ATM: variants seen among roughly 807,000 people sequenced by gnomAD.
ATM encodes serine-protein kinase ATM.
Under a neutral mutation model 387.0 loss-of-function variants are expected in ATM, and 308 were observed. That is an observed-to-expected ratio of 0.80 (90% CI 0.73 to 0.87). The LOEUF is 0.87. Ranked by LOEUF, ATM falls within the 40% of genes least tolerant of loss-of-function variation. The pLI is 0.00. For synonymous variants in ATM, 1,156 were observed against 1,187.3 expected (o/e 0.97, Z 0.54); for missense variants, 3,312 against 3,560.9 (o/e 0.93, Z 1.78).
Position 108,297,039 on chromosome 11 carries a change from T to C in ATM, c.4910-248T>C, listed in dbSNP as rs550591525. ...GTGATTTTGCTAAGGTGTTGACTTA[T>C]CTGCACAATTTGTTTAAGACATTTT... On this transcript the variant is annotated intron_variant, in intron 32 of 62. Transcript: ENST00000675843. 11 of 454,510 alleles carry C rather than the reference T, an allele frequency of 2.4e-5. No individual in the cohort carries two copies. The highest frequency in any genetic ancestry group is 3.6e-5 in the Non-Finnish European group (9 of 248,430). The allele number at this position is 454,510 out of a possible 1,614,324, so 28.2% of individuals were successfully genotyped here. A position where few individuals can be genotyped will look rare whatever the true frequency, so the allele number is the denominator to read the frequency against.
intron 58 of ATM, chr11:108,346,387 T>C (rs2088400598): frequency 6.5e-6 from 1 of 153,508 alleles, no homozygotes; most frequent in Admixed American, 6.5e-5. Flanking sequence ...GTGTACAATA[T>C]ATATTTTGAC....
intron 61 of ATM, among the ~76,000 whole-genome samples, chr11:108,362,962 T>G (rs989142507): frequency 7.3e-5 from 11 of 151,524 alleles, no homozygotes; most frequent in African/African-American, 2.2e-4. Context: ...TAAAAAAAAC[T>G]AAAAAAACAA....
intron 26 of ATM, 74 bp from the exon 27 acceptor site, chr11:108,287,526 T>C (rs780865917): frequency 1.9e-5 from 17 of 904,434 alleles, no homozygotes; most frequent in Non-Finnish European, 2.8e-5. Context: ...AATAAGGTAA[T>C]ATATGCCTTT....
chr11:108,331,752 C>G, intron 51 of ATM, 127 bp from the exon 52 acceptor site: 1 of 1,294,886 alleles, frequency 7.7e-7, no homozygotes, highest in South Asian at 1.4e-5. Flanking sequence ...CTCACACATG[C>G]AGGCATACAC....
rs879254209 is a variant in ATM at position 108,335,054 on chromosome 11, C to A, written c.8096C>A (p.Pro2699Gln). The A allele has an allele frequency of 6.2e-7, 1 of 1,613,964 alleles. No individual in the cohort carries two copies. Among genetic ancestry groups the A allele is most frequent in the Non-Finnish European group, 8.5e-7 (1 of 1,179,990 alleles). ...EFRLAGGVNLPKIIDCVGSDG... is the reference protein window; with the variant it reads ...EFRLAGGVNLQKIIDCVGSDG... ...CGCTTAGCAGGAGGTGTAAATTTACCAAAAATAATAGATTGTGTAGGTTCC... is the reference window on the plus strand; with the variant it reads ...CGCTTAGCAGGAGGTGTAAATTTACAAAAAATAATAGATTGTGTAGGTTCC... Residue 2699 changes from proline (P) to glutamine (Q), a missense_variant, in exon 55 of 63, where the codon CCA becomes CAA. Pro to Gln is a moderately conservative substitution (Grantham distance 76, BLOSUM62 -1). This residue lies in a region of ATM where 1,405 missense variants were observed against 1,604.4 expected (regional missense o/e 0.88). Coordinates refer to ENST00000675843, the MANE Select transcript of ATM (RefSeq NM_000051.4).
In ATM at chr11:108,316,116, A is replaced by G. The variant is rs786202092; in HGVS notation, c.6198+3A>G. 1 of 1,613,540 alleles carries G rather than the reference A, an allele frequency of 6.2e-7. No homozygotes were observed. The highest frequency in any genetic ancestry group is 8.5e-7 in the Non-Finnish European group (1 of 1,179,504). On this transcript the variant is annotated splice_donor_region_variant and intron_variant, in intron 42 of 62. Transcript: ENST00000675843. Reference sequence around the variant, plus strand: ...CACGCCAGGCAGGAATCATTCAGGTACATTTTTTCCCAGATTTGGTAAAGC... The same window carrying G: ...CACGCCAGGCAGGAATCATTCAGGTGCATTTTTTCCCAGATTTGGTAAAGC...
At position 108,302,078 on chromosome 11, in the gene ATM, T is replaced by G. The variant is rs2083460682; in HGVS notation, c.5319+289T>G. Among the ~76,000 whole-genome samples the G allele has an allele frequency of 2.0e-5, 3 of 152,248 alleles. No homozygotes were observed. In the South Asian group the frequency reaches 6.2e-4, roughly 32 times the overall value. ...TTTTTTAGAAATAGAAAGCGCTACTTTGCTCCCATGAAAGCTGTTAGCTCT... is the reference window on the plus strand; with the variant it reads ...TTTTTTAGAAATAGAAAGCGCTACTGTGCTCCCATGAAAGCTGTTAGCTCT... On this transcript the variant is annotated intron_variant, in intron 35 of 62. Coordinates refer to ENST00000675843, the MANE Select transcript of ATM (RefSeq NM_000051.4).
Position 108,284,292 on chromosome 11 carries a change from T to TC in ATM, c.3812_3813insC (p.Ala1272CysfsTer2). 6.2e-7 allele frequency: 1 copy of TC among 1,613,730 alleles called. No homozygotes were observed. Among genetic ancestry groups the TC allele is most frequent in the South Asian group, 1.1e-5 (1 of 91,074 alleles). On this transcript the variant is annotated frameshift_variant, in exon 26 of 63. Coordinates refer to ENST00000675843, the MANE Select transcript of ATM (RefSeq NM_000051.4). LOFTEE classifies it high-confidence loss of function. Reference sequence around the variant, plus strand: ...AGTCATTTTGATGAGGTGAAGTCCATTGCTAATCAGATTCAAGAGGACTGG... The same window carrying TC: ...AGTCATTTTGATGAGGTGAAGTCCATCTGCTAATCAGATTCAAGAGGACTGG...
intron 38 of ATM, 55 bp from the exon 39 acceptor site, chr11:108,310,105 A>G (rs923104890): frequency 2.2e-5 from 35 of 1,561,132 alleles, no homozygotes; most frequent in Middle Eastern, 2.0e-4. Context: ...ACATGCTTTT[A>G]TTTTGATATT....
chr11:108,260,008 T>G (rs2080762356), intron 16 of ATM, among the ~76,000 whole-genome samples: 1 of 151,370 alleles, frequency 6.6e-6, no homozygotes, highest in Admixed American at 6.6e-5. Flanking sequence ...ATAGTATATA[T>G]GTATATGAAA....
At chr11:108,341,986 C>T (rs1194448678) in intron 56 of ATM, among the ~76,000 whole-genome samples, 1 of 152,214 alleles carries the variant, frequency 6.6e-6, no homozygotes, top group African/African-American at 2.4e-5. Flanking sequence ...CTAGAGCAGA[C>T]TTGTCCAACC....
At position 108,236,983 on chromosome 11, in the gene ATM, T is replaced by C. The variant is rs562157226; in HGVS notation, c.496+1149T>C. On this transcript the variant is annotated intron_variant, in intron 5 of 62. Coordinates refer to ENST00000675843, the MANE Select transcript of ATM (RefSeq NM_000051.4). ...CTCTAAAAGTTTAGAAGCTTTTTTT[T>C]TTCATGGAAAGTATTTAAGCTAAAT... Among the ~76,000 whole-genome samples, 9 of 152,340 alleles carry C rather than the reference T, an allele frequency of 5.9e-5. 1 individual carries two copies. The South Asian group carries it at 1.9e-3, about 32-fold the overall frequency.
chr11:108,257,500 G>A lies in ATM; in HGVS notation c.2270G>A (p.Gly757Glu), dbSNP rs375091571. The A allele has an allele frequency of 6.2e-7, 1 of 1,613,234 alleles. No individual in the cohort carries two copies. The highest frequency in any genetic ancestry group is 8.5e-7 in the Non-Finnish European group (1 of 1,179,734). Reference sequence around the variant, plus strand: ...CAATAGTCTCTAATGCAATGTGCAGGAGAAAGTATCACTCTGTTTAAAAAT... The same window carrying A: ...CAATAGTCTCTAATGCAATGTGCAGAAGAAAGTATCACTCTGTTTAAAAAT... ...QKAKSLMQCAGESITLFKNKT... is the reference protein window; with the variant it reads ...QKAKSLMQCAEESITLFKNKT... Residue 757 changes from glycine to glutamate, a missense_variant, in exon 15 of 63, where the codon GGA (glycine) becomes GAA (glutamate). This residue lies in a region of ATM where 1,791 missense variants were observed against 1,804.5 expected (regional missense o/e 0.99). Transcript: ENST00000675843.
chr11:108,297,585 A>G (rs1453926016), intron 33 of ATM, among the ~76,000 whole-genome samples: 1 of 152,224 alleles, frequency 6.6e-6, no homozygotes, highest in Non-Finnish European at 1.5e-5. Context: ...TGTTCACGCA[A>G]TGACAGAATT....
chr11:108,298,355 T>C (rs890515115), intron 33 of ATM, among the ~76,000 whole-genome samples: 5 of 152,206 alleles, frequency 3.3e-5, no homozygotes, highest in African/African-American at 1.2e-4. Context: ...TTTTAAAAAA[T>C]TGAGATATAT....
At chr11:108,262,598 ACAT>A (rs1173136423) in intron 16 of ATM, among the ~76,000 whole-genome samples, 3 of 152,342 alleles carry the variant, frequency 2.0e-5, no homozygotes, top group South Asian at 2.1e-4. Context: ...TAACCAGCTA[ACAT>A]CATAATGACA....
rs754770960 is a variant in ATM, at chr11:108,227,782, G to A, written c.79G>A (p.Val27Ile). Residue 27 changes from valine (V) to isoleucine (I), a missense_variant, in exon 3 of 63, where the codon GTT becomes ATT. By Grantham distance (29) the Val-to-Ile change is conservative (BLOSUM62 3). Coordinates refer to ENST00000675843, the MANE Select transcript of ATM (RefSeq NM_000051.4). ...ATTTCCTTTTTATTTTCAGAAAGAA[G>A]TTGAGAAATTTAAGCGCCTGATTCG... ...HDRATERKKE[V>I]EKFKRLIRDP... 4 of 1,613,464 alleles carry A rather than the reference G, an allele frequency of 2.5e-6. No homozygotes were observed. The highest frequency in any genetic ancestry group is 3.4e-6 in the Non-Finnish European group (4 of 1,179,750).
At chr11:108,293,096 A>AT (rs888367316) in intron 30 of ATM, among the ~76,000 whole-genome samples, 3 of 151,690 alleles carry the variant, frequency 2.0e-5, no homozygotes, top group Admixed American at 1.3e-4. Flanking sequence ...TAATATTGGC[A>AT]TTTTTTTTAA....
chr11:108,301,931 A>G (rs1351138752), intron 35 of ATM, 142 bp downstream of exon 35: 2 of 993,316 alleles, frequency 2.0e-6, no homozygotes, highest in Non-Finnish European at 3.0e-6. Context: ...GCCATATTTC[A>G]TAAATCCAGG....
Sources: gnomAD v4.1 joint callset for allele counts (sites outside exome capture counted in the v4.1 genomes callset) on GRCh38, gnomAD v4.1.1 for gene constraint, gnomAD v4.1.1 regional missense constraint, MANE v1.5 for transcripts, NCBI Gene and HGNC (gene_info 2026-07-23, HGNC 2026-07-21) for gene names.